The following VPS8 variants were observed in gnomAD, a reference collection of about 807,000 sequenced individuals.
VPS8 encodes the protein vacuolar protein sorting-associated protein 8 homolog.
A neutral mutation model predicts 216.4 loss-of-function variants in VPS8; 129 were observed. The ratio of observed to expected loss-of-function variants is 0.60; its 90% confidence interval spans 0.52 to 0.69. The LOEUF is 0.69. Ranked by LOEUF, VPS8 falls within the 30% of genes least tolerant of loss-of-function variation. The probability of loss-of-function intolerance (pLI) is 0.00; values close to 1 mark genes in which losing one functional copy is unlikely to be tolerated. For missense variants in VPS8, 1,531 were observed against 1,683.5 expected (o/e 0.91, Z 1.59); for synonymous variants, 571 against 565.4 (o/e 1.01, Z -0.14).
In VPS8 at chr3:185,032,343, G is replaced by GCTATTGCA. The variant is rs1481799376; in HGVS notation, c.4056+7954_4056+7955insCTATTGCA. On this transcript the variant is annotated intron_variant, in intron 46 of 47. Coordinates refer to ENST00000625842, the MANE Select transcript of VPS8 (RefSeq NM_001009921.3). ...GAGGTGAGAGGGCTATTGCAGTAAG[G>GCTATTGCA]GGAACGCTCCAACCATAAGATCTGC... 8.5e-5 allele frequency among the ~76,000 whole-genome samples: 13 copies of GCTATTGCA among 152,244 alleles called. No homozygotes were observed. In the South Asian group the frequency reaches 2.7e-3, roughly 32 times the overall value.
chr3:184,975,942 A>G (rs1749190949), intron 40 of VPS8, among the ~76,000 whole-genome samples: 1 of 152,150 alleles, frequency 6.6e-6, no homozygotes, highest in African/African-American at 2.4e-5. Context: ...AACACAAGGC[A>G]TGGGGTGCCA....
At chr3:184,991,060 C>T (rs1315330062) in intron 42 of VPS8, among the ~76,000 whole-genome samples, 2 of 152,068 alleles carry the variant, frequency 1.3e-5, no homozygotes, top group Non-Finnish European at 2.9e-5. Flanking sequence ...TACTTTCTCA[C>T]TGAGGAAAGG....
intron 46 of VPS8, among the ~76,000 whole-genome samples, chr3:185,029,407 G>A (rs1446388941): frequency 6.6e-6 from 1 of 152,130 alleles, no homozygotes; most frequent in African/African-American, 2.4e-5. Flanking sequence ...GCCAAGAGCT[G>A]GATTCAAGTG....
At chr3:184,905,236 G>A (rs1051553051) in intron 25 of VPS8, among the ~76,000 whole-genome samples, 5 of 152,092 alleles carry the variant, frequency 3.3e-5, no homozygotes, top group Admixed American at 2.6e-4. Flanking sequence ...ATGAGTTTTG[G>A]GTGCCACATT....
intron 42 of VPS8, among the ~76,000 whole-genome samples, chr3:184,991,325 AT>A (rs1751871133): frequency 1.3e-5 from 2 of 152,230 alleles, no homozygotes; most frequent in Admixed American, 1.3e-4. Context: ...GCATTTATTC[AT>A]TGCTGAAGAA....
rs371049741 is a variant in VPS8 at position 184,925,020 on chromosome 3, G to C, written c.2574+39G>C. 5.0e-6 allele frequency: 8 copies of C among 1,585,328 alleles called. No homozygotes were observed. In the South Asian group the frequency reaches 6.9e-5, roughly 14 times the overall value. On this transcript the variant is annotated intron_variant, in intron 30 of 47. Transcript: ENST00000625842. ...AGTGAAAACTAAAAGGTTTTTTCCT[G>C]TTTACTGCGCACAGTTCCCTGGATT...
At chr3:184,988,317 T>C (rs916432102) in intron 42 of VPS8, among the ~76,000 whole-genome samples, 1 of 152,244 alleles carries the variant, frequency 6.6e-6, no homozygotes, top group African/African-American at 2.4e-5. Context: ...CTTAGAGCTA[T>C]GATCCATTTT....
chr3:184,832,919 C>G, intron 4 of VPS8, 100 bp downstream of exon 4: 1 of 1,387,968 alleles, frequency 7.2e-7, no homozygotes, highest in Non-Finnish European at 9.7e-7. Context: ...TCTGTTGAAG[C>G]CTTGCATGGG....
intron 44 of VPS8, among the ~76,000 whole-genome samples, chr3:184,998,954 T>A (rs1385935015): frequency 1.3e-5 from 2 of 152,056 alleles, no homozygotes; most frequent in Non-Finnish European, 2.9e-5. Context: ...CAATCTCAGC[T>A]CACTGTAACC....
At chr3:184,925,226 C>T (rs188360828) in intron 30 of VPS8, among the ~76,000 whole-genome samples, 67 of 152,236 alleles carry the variant, frequency 4.4e-4, no homozygotes, top group African/African-American at 1.5e-3. Flanking sequence ...GCCTAGAATT[C>T]GTTGCTCAAG....
chr3:185,045,915 C>T (rs1378131184), intron 46 of VPS8, among the ~76,000 whole-genome samples: 2 of 152,196 alleles, frequency 1.3e-5, no homozygotes, highest in Non-Finnish European at 2.9e-5. Flanking sequence ...GCCCAACACC[C>T]CTCTCCCTGG....
chr3:185,045,877 C>T (rs551762667), intron 46 of VPS8, among the ~76,000 whole-genome samples: 1 of 152,184 alleles, frequency 6.6e-6, no homozygotes, highest in African/African-American at 2.4e-5. Context: ...AGTCACTGAG[C>T]TTTGCAATGT....
chr3:184,849,295 A>G, intron 9 of VPS8, 100 bp downstream of exon 9: 1 of 1,366,806 alleles, frequency 7.3e-7, no homozygotes, highest in East Asian at 2.5e-5. Flanking sequence ...CGTGTTATGA[A>G]GTAATATGTT....
chr3:184,975,308 C>T (rs952441133), intron 40 of VPS8, among the ~76,000 whole-genome samples: 1 of 151,906 alleles, frequency 6.6e-6, no homozygotes, highest in Non-Finnish European at 1.5e-5. Flanking sequence ...TTGTTTGTAG[C>T]TCTTGTAAAT....
chr3:185,002,902 A>G (rs1052280033), intron 45 of VPS8, among the ~76,000 whole-genome samples: 3 of 152,182 alleles, frequency 2.0e-5, no homozygotes, highest in African/African-American at 7.2e-5. Flanking sequence ...TTGTGCTGCT[A>G]TAAACATGCA....
intron 40 of VPS8, 88 bp downstream of exon 40, chr3:184,971,840 C>A: frequency 9.6e-7 from 1 of 1,038,288 alleles, no homozygotes; most frequent in Non-Finnish European, 1.4e-6. Context: ...TTTGGGAGGC[C>A]GAGACGGACA....
At chr3:184,848,213 A>G (rs1723504453) in intron 8 of VPS8, among the ~76,000 whole-genome samples, 1 of 152,070 alleles carries the variant, frequency 6.6e-6, no homozygotes, top group African/African-American at 2.4e-5. Flanking sequence ...GTGCCTAGCC[A>G]CTTTTAGCAT....
intron 39 of VPS8, among the ~76,000 whole-genome samples, chr3:184,969,916 T>TC (rs1352436539): frequency 2.2e-5 from 3 of 139,312 alleles, no homozygotes; most frequent in African/African-American, 8.1e-5. Flanking sequence ...TTTTTTTTTT[T>TC]TTTTTTTTTT....
At position 185,048,653 on chromosome 3, in the gene VPS8, T is replaced by C. The variant is rs1713494828; in HGVS notation, c.4137+94T>C. On this transcript the variant is annotated intron_variant, in intron 47 of 47. Coordinates refer to ENST00000625842, the MANE Select transcript of VPS8 (RefSeq NM_001009921.3). Reference sequence around the variant, plus strand: ...TCTTGGAACCTCCCTCTAGCCTCCTTCTAGCCTGGAAGGTGCCCTGGCATC... The same window carrying C: ...TCTTGGAACCTCCCTCTAGCCTCCTCCTAGCCTGGAAGGTGCCCTGGCATC... The C allele has an allele frequency of 8.5e-6, 12 of 1,411,222 alleles. No individual in the cohort carries two copies. In the Admixed American group the frequency reaches 1.7e-4, roughly 20 times the overall value. 87.4% of individuals were successfully genotyped at this position (1,411,222 alleles called of 1,614,324 possible).
Sources: gnomAD v4.1 joint callset for allele counts (sites outside exome capture counted in the v4.1 genomes callset) on GRCh38, gnomAD v4.1.1 for gene constraint, MANE v1.5 for transcripts, NCBI Gene and HGNC (gene_info 2026-07-23, HGNC 2026-07-21) for gene names.